Variants in RNF150 observed in about 807,000 individuals in gnomAD.
The protein encoded by RNF150 is ring finger protein 150.
RNF150 carries 24 observed loss-of-function variants against 39.3 expected under a neutral mutation model. That is an observed-to-expected ratio of 0.61 (90% CI 0.44 to 0.86). The LOEUF is 0.86. Among genes scored for constraint, RNF150 ranks in the 40% least tolerant of loss-of-function variants. The probability of loss-of-function intolerance (pLI) is 0.00; values close to 1 mark genes in which losing one functional copy is unlikely to be tolerated. For synonymous variants in RNF150, 255 were observed against 227.3 expected (o/e 1.12, Z -1.10); for missense variants, 502 against 587.8 (o/e 0.85, Z 1.51).
chr4:141,121,469 A>C (rs1335523640), intron 1 of RNF150, among the ~76,000 whole-genome samples: 1 of 152,160 alleles, frequency 6.6e-6, no homozygotes, highest in Non-Finnish European at 1.5e-5. Context: ...TAAAAACAGC[A>C]CGGTGTCTCT....
chr4:141,132,346 T>A lies in RNF150; in HGVS notation c.463A>T (p.Thr155Ser), dbSNP rs1022665203. Residue 155 changes from threonine (T) to serine (S), a missense_variant, in exon 1 of 7, where the codon ACC becomes TCC. Coordinates refer to ENST00000515673, the MANE Select transcript of RNF150 (RefSeq NM_020724.2). The surrounding 1 kb of genome is among the most constrained non-coding windows in gnomAD (Gnocchi z 4.9). ...TCACCCGCGTGGGGCATGGTGATGG[T>A]CTCGTTGGTGTTGGAGCCCACGTTG... ...IFNVGSNTNE[T>S]ITMPHAGVED... The A allele has an allele frequency of 5.7e-6, 9 of 1,586,670 alleles. No individual in the cohort carries two copies. Among genetic ancestry groups the A allele is most frequent in the Admixed American group, 1.8e-5 (1 of 55,202 alleles).
At chr4:141,097,474 G>C (rs966592277) in intron 1 of RNF150, among the ~76,000 whole-genome samples, 2 of 152,006 alleles carry the variant, frequency 1.3e-5, no homozygotes, top group Admixed American at 1.3e-4. Flanking sequence ...TAATAAGATA[G>C]CCTTGTGTCA....
chr4:141,033,397 C>A (rs902013951), intron 1 of RNF150, among the ~76,000 whole-genome samples: 1 of 152,212 alleles, frequency 6.6e-6, no homozygotes, highest in Non-Finnish European at 1.5e-5. Flanking sequence ...GCTATTTCCA[C>A]ATCTGCAGTG....
At chr4:141,148,271 C>A (rs1727235658) in intron 1 of RNF150, among the ~76,000 whole-genome samples, 1 of 152,124 alleles carries the variant, frequency 6.6e-6, no homozygotes, top group African/African-American at 2.4e-5. Context: ...TAGTTCAGAT[C>A]ATCAGTGGTC....
chr4:141,025,790 G>GA (rs1735673282), intron 1 of RNF150, among the ~76,000 whole-genome samples: 1 of 152,058 alleles, frequency 6.6e-6, no homozygotes, highest in Non-Finnish European at 1.5e-5. Context: ...ATGAAACATT[G>GA]AAAAAACTTT....
chr4:141,099,172 G>A (rs942070369), intron 1 of RNF150, among the ~76,000 whole-genome samples: 3 of 151,894 alleles, frequency 2.0e-5, no homozygotes, highest in Admixed American at 6.6e-5. Context: ...GATATAAAAG[G>A]ATGAAAAAAT....
At chr4:141,139,625 A>G (rs1354073791) in intron 1 of RNF150, among the ~76,000 whole-genome samples, 1 of 152,232 alleles carries the variant, frequency 6.6e-6, no homozygotes, top group Non-Finnish European at 1.5e-5. Flanking sequence ...ATAAATAGTA[A>G]TGAAGAGCTG....
chr4:141,046,897 T>C (rs1736597935), intron 1 of RNF150, among the ~76,000 whole-genome samples: 2 of 152,104 alleles, frequency 1.3e-5, no homozygotes, highest in African/African-American at 4.8e-5. Flanking sequence ...GGGTCCATCA[T>C]TGTCTTATTT....
chr4:140,969,949 A>G (rs1158241195), intron 1 of RNF150, among the ~76,000 whole-genome samples: 2 of 151,988 alleles, frequency 1.3e-5, no homozygotes, highest in East Asian at 3.9e-4. Context: ...TTTTTAGTAG[A>G]GACAGAGTTT....
At chr4:140,920,861 A>C (rs1295631515) in intron 5 of RNF150, among the ~76,000 whole-genome samples, 1 of 151,510 alleles carries the variant, frequency 6.6e-6, no homozygotes, top group East Asian at 2.0e-4. Context: ...GCAGCCGTAA[A>C]AAATGATGAG....
chr4:141,086,992 A>C (rs901522323), intron 1 of RNF150, among the ~76,000 whole-genome samples: 3 of 152,066 alleles, frequency 2.0e-5, no homozygotes, highest in African/African-American at 7.2e-5. Context: ...TTTTATTAAA[A>C]ATTTTTTATT....
intron 1 of RNF150, among the ~76,000 whole-genome samples, chr4:141,081,534 C>T (rs1026113782): frequency 6.6e-6 from 1 of 152,108 alleles, no homozygotes; most frequent in African/African-American, 2.4e-5. Context: ...ACAAAATTTC[C>T]CTATTAAAAC....
At chr4:141,043,962 A>T (rs1736463748) in intron 1 of RNF150, among the ~76,000 whole-genome samples, 1 of 152,210 alleles carries the variant, frequency 6.6e-6, no homozygotes, top group South Asian at 2.1e-4. Flanking sequence ...TGAAGCACTT[A>T]GGTTCTTTAT....
At chr4:141,177,088 C>T (rs77056061) in intron 1 of RNF150, among the ~76,000 whole-genome samples, 5,415 of 148,210 alleles carry the variant, frequency 0.037, 331 homozygotes, top group African/African-American at 0.12. Flanking sequence ...AGAAAAAAGA[C>T]GGGTGTCGTG....
intron 1 of RNF150, among the ~76,000 whole-genome samples, chr4:141,115,754 A>G (rs888595527): frequency 6.6e-6 from 1 of 152,244 alleles, no homozygotes; most frequent in Non-Finnish European, 1.5e-5. Context: ...CTACAAGGCT[A>G]CAGTAACCAA....
At chr4:140,913,556 T>G (rs1730700462) in intron 5 of RNF150, among the ~76,000 whole-genome samples, 1 of 152,120 alleles carries the variant, frequency 6.6e-6, no homozygotes, top group Non-Finnish European at 1.5e-5. Flanking sequence ...ACCCTTTAAT[T>G]CCCAGGTCCA....
chr4:141,012,368 G>T (rs188432087), intron 1 of RNF150, among the ~76,000 whole-genome samples: 1 of 152,334 alleles, frequency 6.6e-6, no homozygotes, highest in Admixed American at 6.5e-5. Context: ...CTCTGGTTAG[G>T]ACTGGATAAA....
chr4:141,062,454 G>GA, intron 1 of RNF150, among the ~76,000 whole-genome samples: 1 of 151,834 alleles, frequency 6.6e-6, no homozygotes, highest in East Asian at 1.9e-4. Flanking sequence ...CATCTAGAAG[G>GA]AAAAAATATC....
chr4:141,163,103 C>T (rs907949014), intron 1 of RNF150, among the ~76,000 whole-genome samples: 3 of 152,106 alleles, frequency 2.0e-5, no homozygotes, highest in Admixed American at 1.3e-4. Flanking sequence ...CTGGGATGCT[C>T]GGGCTTGGTT....
Sources: gnomAD v4.1 joint callset for allele counts (sites outside exome capture counted in the v4.1 genomes callset) on GRCh38, gnomAD v4.1.1 for gene constraint, Gnocchi (gnomAD v3.1) non-coding constraint, MANE v1.5 for transcripts, NCBI Gene and HGNC (gene_info 2026-07-23, HGNC 2026-07-21) for gene names.